The following INTS6 variants were observed in gnomAD, a reference collection of about 807,000 sequenced individuals.
The protein encoded by INTS6 is integrator complex subunit 6.
INTS6 carries 16 observed loss-of-function variants against 104.9 expected under a neutral mutation model. That is an observed-to-expected ratio of 0.15 (90% CI 0.10 to 0.23). INTS6 has a LOEUF of 0.23. INTS6 is among the 10% of genes least tolerant of loss of function. The pLI is 1.00. For missense variants in INTS6, 584 were observed against 1,062.8 expected (o/e 0.55, Z 6.26); for synonymous variants, 324 against 358.7 (o/e 0.90, Z 1.09).
chr13:51,451,253 C>T (rs1433084778), intron 2 of INTS6, 79 bp from the exon 3 acceptor site: 8 of 1,183,444 alleles, frequency 6.8e-6, no homozygotes. Flanking sequence ...TGACGTTCAC[C>T]AAGTAGCAGC....
At chr13:51,409,567 G>A (rs1190505901) in intron 4 of INTS6, among the ~76,000 whole-genome samples, 1 of 151,688 alleles carries the variant, frequency 6.6e-6, no homozygotes, top group African/African-American at 2.4e-5. Flanking sequence ...GCCTTTATTT[G>A]TGCTGTCTGA....
intron 17 of INTS6, among the ~76,000 whole-genome samples, chr13:51,367,295 C>G (rs1955711751): frequency 6.6e-6 from 1 of 151,944 alleles, no homozygotes; most frequent in South Asian, 2.1e-4. Flanking sequence ...CAAATACTTT[C>G]AATCTGTGGT....
At chr13:51,433,869 G>C (rs1364214216) in intron 3 of INTS6, among the ~76,000 whole-genome samples, 1 of 152,088 alleles carries the variant, frequency 6.6e-6, no homozygotes, top group African/African-American at 2.4e-5. Flanking sequence ...CTATCGTCTT[G>C]ATAATAACAA....
the INTS6 span, chr13:51,347,109 T>C: frequency 1.9e-6 from 3 of 1,612,158 alleles, no homozygotes; most frequent in East Asian, 2.2e-5. Flanking sequence ...GTGAGCACCA[T>C]GTCCTTCCAA....
intron 4 of INTS6, among the ~76,000 whole-genome samples, chr13:51,396,143 T>C (rs1406332820): frequency 6.6e-6 from 1 of 152,196 alleles, no homozygotes; most frequent in Non-Finnish European, 1.5e-5. Context: ...AAAAAATGAT[T>C]TGGCCTCCTG....
intron 3 of INTS6, chr13:51,441,622 C>G (rs138954273): frequency 6.6e-6 from 1 of 152,178 alleles, no homozygotes; most frequent in Non-Finnish European, 1.5e-5. Context: ...GGTTGGCATA[C>G]TACATTGGAA....
intron 4 of INTS6, among the ~76,000 whole-genome samples, chr13:51,402,018 T>A (rs899701196): frequency 6.6e-6 from 1 of 152,168 alleles, no homozygotes; most frequent in South Asian, 2.1e-4. Flanking sequence ...AATTAATACA[T>A]CTTATAAACA....
chr13:51,445,095 T>C (rs1393245820), intron 3 of INTS6: 1 of 152,206 alleles, frequency 6.6e-6, no homozygotes, highest in Non-Finnish European at 1.5e-5. Context: ...TGTGTAAATC[T>C]CATCTAAAAC....
At chr13:51,375,976 T>C (rs574020879) in intron 13 of INTS6, 72 bp downstream of exon 13, 1 of 1,275,572 alleles carries the variant, frequency 7.8e-7, no homozygotes, top group Admixed American at 2.3e-5. Flanking sequence ...GAAATTTACA[T>C]CACCATGCTA....
At chr13:51,347,376 G>A in the INTS6 span, 1 of 718,306 alleles carries the variant, frequency 1.4e-6, no homozygotes, top group Non-Finnish European at 2.4e-6. Flanking sequence ...ATGCATGGCG[G>A]AAGGAAAGAC....
chr13:51,402,888 CTT>C (rs138011025), intron 4 of INTS6: 2 of 152,140 alleles, frequency 1.3e-5, no homozygotes, highest in South Asian at 2.1e-4. Flanking sequence ...GCAATTTCCT[CTT>C]TGTGACTTTT....
At chr13:51,355,314 T>A (rs898972191) in intron 3 of INTS6, among the ~76,000 whole-genome samples, 4 of 152,160 alleles carry the variant, frequency 2.6e-5, no homozygotes, top group African/African-American at 9.7e-5. Context: ...TTGGGTTAGA[T>A]CTTGTGAGGA....
chr13:51,347,244 G>A, the INTS6 span: 1 of 1,611,844 alleles, frequency 6.2e-7, no homozygotes, highest in Non-Finnish European at 8.5e-7. Flanking sequence ...GGTGAGCTCT[G>A]CCCCTGCTGG....
At chr13:51,367,314 T>A (rs1362165504) in intron 17 of INTS6, among the ~76,000 whole-genome samples, 3 of 152,000 alleles carry the variant, frequency 2.0e-5, no homozygotes, top group African/African-American at 7.2e-5. Flanking sequence ...GTTGCTTGAA[T>A]CCAATGAATG....
chr13:51,446,668 T>C (rs559086972), intron 3 of INTS6: 23 of 152,298 alleles, frequency 1.5e-4, no homozygotes, highest in African/African-American at 5.3e-4. Context: ...TGACTATCAA[T>C]GGATATGTGG....
chr13:51,352,056 C>T (rs1397086585), downstream of INTS6, among the ~76,000 whole-genome samples: 1 of 152,056 alleles, frequency 6.6e-6, no homozygotes, highest in East Asian at 1.9e-4. Context: ...AGTCCTTCAA[C>T]TTTCTTCTTT....
At chr13:51,368,475 G>C (rs1284168516) in intron 16 of INTS6, among the ~76,000 whole-genome samples, 1 of 152,090 alleles carries the variant, frequency 6.6e-6, no homozygotes, top group Non-Finnish European at 1.5e-5. Context: ...TTCCCACGAA[G>C]TTCTTTTGTG....
At chr13:51,340,043 C>A in the INTS6 span, among the ~76,000 whole-genome samples, 6 of 152,166 alleles carry the variant, frequency 3.9e-5, no homozygotes, top group Admixed American at 1.3e-4. Context: ...TATCTTGGAC[C>A]TTTACCTAAA....
Position 51,452,771 on chromosome 13 carries a change from G to T in INTS6, c.-246C>A. ...GCCTCCTCCTGCCTGCCTGCCCGCT[G>T]GGGCGGGCGCCCAGCCGTCTGTCTG... On this transcript the variant is annotated 5_prime_UTR_variant, in exon 1 of 18. Transcript: ENST00000311234. This position sits in a 1 kb window ranked among gnomAD's most constrained non-coding sequence, Gnocchi z 4.2. 8.2e-7 allele frequency: 1 copy of T among 1,218,162 alleles called. No individual in the cohort carries two copies. The highest frequency in any genetic ancestry group is 1.0e-6 in the Non-Finnish European group (1 of 972,342). 75.5% of individuals were successfully genotyped at this position (1,218,162 alleles called of 1,614,324 possible). A position where few individuals can be genotyped will look rare whatever the true frequency, so the allele number is the denominator to read the frequency against.
Sources: allele counts gnomAD v4.1 joint callset (sites outside exome capture counted in the v4.1 genomes callset), GRCh38; gene constraint gnomAD v4.1.1; non-coding constraint Gnocchi (gnomAD v3.1); transcripts MANE v1.5; gene names NCBI Gene and HGNC (gene_info 2026-07-23, HGNC 2026-07-21).